Variants in KIRREL3 observed in about 807,000 individuals in gnomAD.
KIRREL3 encodes kirre like nephrin family adhesion molecule 3.
Under a neutral mutation model 89.7 loss-of-function variants are expected in KIRREL3, and 36 were observed. That is an observed-to-expected ratio of 0.40 (90% CI 0.31 to 0.53). The LOEUF (loss-of-function observed/expected upper bound fraction) is 0.53. KIRREL3 is among the 20% of genes least tolerant of loss of function. KIRREL3 has a pLI of 0.49. For missense variants in KIRREL3, 864 were observed against 1,056.6 expected (o/e 0.82, Z 2.53); for synonymous variants, 445 against 441.4 (o/e 1.01, Z -0.10).
chr11:126,504,658 A>G (rs1348276260), intron 4 of KIRREL3, among the ~76,000 whole-genome samples: 1 of 152,242 alleles, frequency 6.6e-6, no homozygotes, highest in Non-Finnish European at 1.5e-5. Context: ...TACTCATCCT[A>G]CAAAACCAGT....
upstream of KIRREL3, among the ~76,000 whole-genome samples, chr11:127,001,809 G>A (rs1378277550): frequency 6.6e-6 from 1 of 151,650 alleles, no homozygotes; most frequent in Non-Finnish European, 1.5e-5. Flanking sequence ...ATAATCTAGT[G>A]TGCAAGCAGA....
intron 1 of KIRREL3, among the ~76,000 whole-genome samples, chr11:126,649,325 T>C (rs1944818907): frequency 6.6e-6 from 1 of 152,000 alleles, no homozygotes; most frequent in South Asian, 2.1e-4. Context: ...TTCCCCTCAG[T>C]CCCCCAAATT....
chr11:126,673,327 G>A (rs1333201670), intron 1 of KIRREL3, among the ~76,000 whole-genome samples: 2 of 152,206 alleles, frequency 1.3e-5, no homozygotes, highest in African/African-American at 4.8e-5. Context: ...GGTCAGGACA[G>A]GTGGCTTGCA....
intron 1 of KIRREL3, among the ~76,000 whole-genome samples, chr11:126,927,207 C>A (rs1376679581): frequency 6.6e-6 from 1 of 151,598 alleles, no homozygotes; most frequent in East Asian, 1.9e-4. Flanking sequence ...CCAACTGCAG[C>A]ACACGACACC....
Position 126,892,113 on chromosome 11 carries a change from T to C in KIRREL3, c.55+108342A>G, listed in dbSNP as rs2134776051. On this transcript the variant is annotated intron_variant, in intron 1 of 16. Coordinates refer to ENST00000525144, the MANE Select transcript of KIRREL3 (RefSeq NM_032531.4). The surrounding 1 kb of genome is among the most constrained non-coding windows in gnomAD (Gnocchi z 5.4). Reference sequence around the variant, plus strand: ...CAGAGAGAGGCCACTTAGCCTCCCTTGGCCTCAATGGCTTCTTGGTGATCT... The same window carrying C: ...CAGAGAGAGGCCACTTAGCCTCCCTCGGCCTCAATGGCTTCTTGGTGATCT... Among the ~76,000 whole-genome samples, 1 of 152,314 alleles carries C rather than the reference T, an allele frequency of 6.6e-6. No homozygotes were observed. The highest frequency in any genetic ancestry group is 1.5e-5 in the Non-Finnish European group (1 of 68,028).
At position 126,540,952 on chromosome 11, in the gene KIRREL3, G is replaced by T. The variant is rs998558185; in HGVS notation, c.134-14265C>A. On this transcript the variant is annotated intron_variant, in intron 2 of 16. Transcript: ENST00000525144. ...TGCCCTCACTGAGCCGGCACCTTGG[G>T]ATGTGTTGGAGCAGCATGGAAGGAA... is the stretch of plus-strand genomic sequence containing the variant. Among the ~76,000 whole-genome samples the T allele has an allele frequency of 3.3e-5, 5 of 152,186 alleles. 1 individual carries two copies. The highest frequency in any genetic ancestry group is 1.2e-4 in the African/African-American group (5 of 41,460).
At position 126,778,206 on chromosome 11, in the gene KIRREL3, AT is replaced by A. The variant is rs1176307572; in HGVS notation, c.56-215295del. 6.6e-6 allele frequency among the ~76,000 whole-genome samples: 1 copy of A among 152,042 alleles called. No homozygotes were observed. The highest frequency in any genetic ancestry group is 1.9e-4 in the East Asian group (1 of 5,192). On this transcript the variant is annotated intron_variant, in intron 1 of 16. Coordinates refer to ENST00000525144, the MANE Select transcript of KIRREL3 (RefSeq NM_032531.4). This position sits in a 1 kb window ranked among gnomAD's most constrained non-coding sequence, Gnocchi z 4.5. The stretch of plus-strand genomic sequence containing the variant: ...ATATTCATGAGATTCACATGCACAT[AT>A]TTTTTCTTTTTAATTAAAATGGGAT...
chr11:126,779,129 TG>T (rs1175376162), intron 1 of KIRREL3, among the ~76,000 whole-genome samples: 1 of 152,216 alleles, frequency 6.6e-6, no homozygotes. Flanking sequence ...TGATCAAAAA[TG>T]TAAGATGGAG....
chr11:126,763,734 C>G lies in KIRREL3; in HGVS notation c.56-200822G>C, dbSNP rs1442370299. Among the ~76,000 whole-genome samples the G allele has an allele frequency of 6.6e-6, 1 of 152,142 alleles. No individual in the cohort carries two copies. Among genetic ancestry groups the G allele is most frequent in the Non-Finnish European group, 1.5e-5 (1 of 68,038 alleles). On this transcript the variant is annotated intron_variant, in intron 1 of 16. Coordinates refer to ENST00000525144, the MANE Select transcript of KIRREL3 (RefSeq NM_032531.4). The surrounding 1 kb of genome is among the most constrained non-coding windows in gnomAD (Gnocchi z 4.7). ...TGTTTTCTCACTTGTGAAATGGGGA[C>G]AATAGAAACACCCCTCTCAAACGTA...
At chr11:126,631,373 G>C (rs538831888) in intron 1 of KIRREL3, among the ~76,000 whole-genome samples, 1 of 152,168 alleles carries the variant, frequency 6.6e-6, no homozygotes, top group Non-Finnish European at 1.5e-5. Context: ...TATGGCATTC[G>C]CACTGGAATT....
At chr11:126,801,252 A>T (rs1457257712) in intron 1 of KIRREL3, among the ~76,000 whole-genome samples, 2 of 152,164 alleles carry the variant, frequency 1.3e-5, no homozygotes, top group East Asian at 3.8e-4. Flanking sequence ...ATTACAGTTA[A>T]TTGACAATTT....
Position 126,891,927 on chromosome 11 carries a change from T to C in KIRREL3, c.55+108528A>G, listed in dbSNP as rs575606872. On this transcript the variant is annotated intron_variant, in intron 1 of 16. Coordinates refer to ENST00000525144, the MANE Select transcript of KIRREL3 (RefSeq NM_032531.4). This position sits in a 1 kb window ranked among gnomAD's most constrained non-coding sequence, Gnocchi z 5.1. ...CATATGAATATCTGCAAAAACAAAG[T>C]TGGGGTTTGATATCTTTCAGGAAGC... is the stretch of plus-strand genomic sequence containing the variant. Among the ~76,000 whole-genome samples the C allele has an allele frequency of 6.6e-6, 1 of 151,980 alleles. No homozygotes were observed. The highest frequency in any genetic ancestry group is 2.4e-5 in the African/African-American group (1 of 41,364).
chr11:126,975,725 G>A (rs1949546125), intron 1 of KIRREL3, among the ~76,000 whole-genome samples: 1 of 152,120 alleles, frequency 6.6e-6, no homozygotes, highest in Non-Finnish European at 1.5e-5. Context: ...TCTAGGGACT[G>A]GAGCAGCTAG....
chr11:126,746,164 T>C (rs1282713788), intron 1 of KIRREL3, among the ~76,000 whole-genome samples: 1 of 152,238 alleles, frequency 6.6e-6, no homozygotes, highest in Non-Finnish European at 1.5e-5. Flanking sequence ...ACATTCCTTA[T>C]TCTCTTTCAC....
intron 1 of KIRREL3, among the ~76,000 whole-genome samples, chr11:126,700,061 G>A (rs1591983165): frequency 6.6e-6 from 1 of 152,124 alleles, no homozygotes; most frequent in Non-Finnish European, 1.5e-5. Flanking sequence ...GAGCGTGGTG[G>A]CTCATGCCTG....
rs1011199462 is a variant in KIRREL3, at chr11:126,575,017, C to A, written c.56-12105G>T. 6.6e-6 allele frequency among the ~76,000 whole-genome samples: 1 copy of A among 152,176 alleles called. No homozygotes were observed. The highest frequency in any genetic ancestry group is 1.9e-4 in the East Asian group (1 of 5,192). ...GAACCACTGGGGTTCTTGACTCAGG[C>A]TCTGTCAGTCCACAGAGGGTGGTTA... On this transcript the variant is annotated intron_variant, in intron 1 of 16. Coordinates refer to ENST00000525144, the MANE Select transcript of KIRREL3 (RefSeq NM_032531.4). This position sits in a 1 kb window ranked among gnomAD's most constrained non-coding sequence, Gnocchi z 7.0.
intron 6 of KIRREL3, among the ~76,000 whole-genome samples, chr11:126,457,671 A>C (rs901653198): frequency 3.3e-5 from 5 of 152,148 alleles, no homozygotes; most frequent in African/African-American, 1.2e-4. Context: ...AGCAGAGGGC[A>C]GAGTGATGGA....
At chr11:126,790,961 A>C (rs1950621942) in intron 1 of KIRREL3, among the ~76,000 whole-genome samples, 1 of 152,212 alleles carries the variant, frequency 6.6e-6, no homozygotes, top group Non-Finnish European at 1.5e-5. Flanking sequence ...TGTTCTTTTA[A>C]AAAATATGAA....
intron 1 of KIRREL3, among the ~76,000 whole-genome samples, chr11:126,673,657 C>T (rs1005646545): frequency 3.3e-5 from 5 of 152,224 alleles, no homozygotes; most frequent in East Asian, 1.9e-4. Flanking sequence ...ACTCATCACA[C>T]GTGTGCCTTC....
Sources: gnomAD v4.1 joint callset for allele counts (sites outside exome capture counted in the v4.1 genomes callset) on GRCh38, gnomAD v4.1.1 for gene constraint, Gnocchi (gnomAD v3.1) non-coding constraint, MANE v1.5 for transcripts, NCBI Gene and HGNC (gene_info 2026-07-23, HGNC 2026-07-21) for gene names.